The following BBOX1 variants were observed in gnomAD, a reference collection of about 807,000 sequenced individuals.
BBOX1 encodes the protein gamma-butyrobetaine dioxygenase.
A neutral mutation model predicts 41.6 loss-of-function variants in BBOX1; 35 were observed. The ratio of observed to expected loss-of-function variants is 0.84; its 90% CI spans 0.64 to 1.11. BBOX1 has a LOEUF of 1.11. Ranked by LOEUF, BBOX1 falls within the 50% of genes most tolerant of loss-of-function variation. The pLI, the probability that BBOX1 is intolerant of heterozygous loss-of-function variation, is 0.00. For synonymous variants in BBOX1, 163 were observed against 154.7 expected, an observed-to-expected ratio of 1.05 and a Z score of -0.40; for missense variants, 458 against 460.6, an observed-to-expected ratio of 0.99 and a Z score of 0.05.
At position 27,119,734 on chromosome 11, in the gene BBOX1, A is replaced by C; in HGVS notation, c.725A>C (p.Lys242Thr). The change falls in exon 7 of 9, where the codon AAG becomes ACG. Residue 242 changes from lysine to threonine, a missense_variant. Coordinates refer to ENST00000263182, the MANE Select transcript of BBOX1 (RefSeq NM_003986.3). ...VDGFNVCQKL[K>T]KNNPQAFQIL... is the part of the protein sequence containing the mutation. ...GGGTTTAATGTGTGCCAAAAACTAA[A>C]GAAAAATAATCCTCAGGCATTCCAG... 6.2e-7 allele frequency: 1 copy of C among 1,605,348 alleles called. No individual in the cohort carries two copies. Among genetic ancestry groups the C allele is most frequent in the East Asian group, 2.3e-5 (1 of 44,154 alleles).
intron 5 of BBOX1, among the ~76,000 whole-genome samples, chr11:27,115,135 C>T (rs1033668636): frequency 1.3e-5 from 2 of 151,846 alleles, no homozygotes; most frequent in African/African-American, 4.8e-5. Context: ...GTGAACTTCA[C>T]CTCAATAAAT....
chr11:27,070,704 T>A (rs1008813356), intron 4 of BBOX1, among the ~76,000 whole-genome samples: 2 of 96,552 alleles, frequency 2.1e-5, no homozygotes, highest in African/African-American at 7.3e-5. Flanking sequence ...GGTTTGTGAT[T>A]GATTTTTTTT....
rs1425521149 is a variant in BBOX1, at chr11:27,043,458, A to ATGTG, written c.-39+1980_-39+1981insTGTG. Among the ~76,000 whole-genome samples the ATGTG allele has an allele frequency of 1.8e-4, 28 of 152,120 alleles. 2 individuals carry two copies. The highest frequency in any genetic ancestry group is 4.2e-4 in the South Asian group (2 of 4,816). ...TGCAGAATGTGCAGGTTTGGGGTAC[A>ATGTG]CGTGCAGAATGTGCAGGTATACACA... is the stretch of plus-strand genomic sequence containing the variant. On this transcript the variant is annotated intron_variant, in intron 2 of 8. Transcript: ENST00000263182.
intron 4 of BBOX1, among the ~76,000 whole-genome samples, chr11:27,092,316 C>A (rs1858275956): frequency 6.6e-6 from 1 of 151,882 alleles, no homozygotes; most frequent in South Asian, 2.1e-4. Context: ...CTTCCTAGGG[C>A]AATTTTCTTA....
chr11:27,050,005 G>C (rs1214691220), intron 2 of BBOX1, among the ~76,000 whole-genome samples: 2 of 152,022 alleles, frequency 1.3e-5, no homozygotes, highest in Non-Finnish European at 2.9e-5. Flanking sequence ...GTTTAAGTCT[G>C]TAATCCATTT....
intron 2 of BBOX1, among the ~76,000 whole-genome samples, chr11:27,050,610 T>G (rs1198853388): frequency 6.6e-6 from 1 of 151,522 alleles, no homozygotes; most frequent in Non-Finnish European, 1.5e-5. Flanking sequence ...GTCCTGGAAA[T>G]TGAATTGTCT....
chr11:27,118,716 G>T (rs1340045129), intron 6 of BBOX1, among the ~76,000 whole-genome samples: 1 of 151,932 alleles, frequency 6.6e-6, no homozygotes, highest in Admixed American at 6.6e-5. Flanking sequence ...TCTATTTGAA[G>T]ATTGTATTAA....
At chr11:27,121,457 A>G (rs190278652) in intron 7 of BBOX1, among the ~76,000 whole-genome samples, 1 of 152,308 alleles carries the variant, frequency 6.6e-6, no homozygotes, top group Admixed American at 6.5e-5. Context: ...TGCTAGAAAG[A>G]GCAAGGATAG....
intron 5 of BBOX1, among the ~76,000 whole-genome samples, chr11:27,106,359 G>A (rs1858863469): frequency 6.6e-6 from 1 of 151,860 alleles, no homozygotes; most frequent in Non-Finnish European, 1.5e-5. Flanking sequence ...CATGTGCAGA[G>A]ACACAAATAG....
chr11:27,083,759 G>A (rs1457736801), intron 4 of BBOX1, among the ~76,000 whole-genome samples: 1 of 152,112 alleles, frequency 6.6e-6, no homozygotes, highest in East Asian at 1.9e-4. Context: ...CCCAACAAGA[G>A]AAGTGATCAT....
chr11:27,090,796 G>A (rs571133142), intron 4 of BBOX1, among the ~76,000 whole-genome samples: 75 of 151,872 alleles, frequency 4.9e-4, no homozygotes, highest in African/African-American at 1.3e-3. Context: ...CAGAGCAGCC[G>A]TTTATAGACC....
At chr11:27,049,256 G>C (rs1851593745) in intron 2 of BBOX1, among the ~76,000 whole-genome samples, 1 of 151,774 alleles carries the variant, frequency 6.6e-6, no homozygotes, top group South Asian at 2.1e-4. Context: ...TTGTCTTTTT[G>C]ACAATAGTCA....
intron 2 of BBOX1, among the ~76,000 whole-genome samples, chr11:27,049,002 G>GT (rs1215936196): frequency 6.7e-6 from 1 of 148,824 alleles, no homozygotes; most frequent in Non-Finnish European, 1.5e-5. Context: ...GCGGTGTTTG[G>GT]TTTTTTGTTC....
chr11:27,047,139 C>T (rs1345540120), intron 2 of BBOX1: 1 of 152,132 alleles, frequency 6.6e-6, no homozygotes, highest in Admixed American at 6.6e-5. Flanking sequence ...CAAGTCTTTC[C>T]AGTTCTTCCA....
chr11:27,088,434 C>T (rs1262965206), intron 4 of BBOX1, among the ~76,000 whole-genome samples: 1 of 152,024 alleles, frequency 6.6e-6, no homozygotes, highest in Non-Finnish European at 1.5e-5. Flanking sequence ...GTTCATTTCA[C>T]CAAAGGTGAA....
At chr11:27,107,342 G>A (rs1858907372) in intron 5 of BBOX1, among the ~76,000 whole-genome samples, 1 of 152,052 alleles carries the variant, frequency 6.6e-6, no homozygotes, top group East Asian at 1.9e-4. Context: ...TAGACTGCTA[G>A]CAAGACTAAT....
rs777689018 is a variant in BBOX1, at chr11:27,119,693, T to C, written c.684T>C (p.Asp228=). The C allele has an allele frequency of 2.5e-6, 4 of 1,568,804 alleles. No homozygotes were observed. The South Asian group carries it at 3.6e-5, about 14-fold the overall frequency. The change falls in exon 7 of 9, where the codon GAT becomes GAC. Residue 228 remains aspartate (D), a synonymous_variant. Coordinates refer to ENST00000263182, the MANE Select transcript of BBOX1 (RefSeq NM_003986.3). ...HCIKQTVTGG[D]SEIVDGFNVC... ...TAAAGCAAACAGTCACAGGGGGTGATTCAGAAATTGTAGATGGGTTTAATG... is the reference window on the plus strand; with the variant it reads ...TAAAGCAAACAGTCACAGGGGGTGACTCAGAAATTGTAGATGGGTTTAATG...
intron 7 of BBOX1, among the ~76,000 whole-genome samples, chr11:27,120,423 T>C (rs553150158): frequency 3.4e-4 from 51 of 152,078 alleles, no homozygotes; most frequent in African/African-American, 1.2e-3. Flanking sequence ...GTTAGAGAAT[T>C]CTGATTGTCC....
intron 7 of BBOX1, among the ~76,000 whole-genome samples, chr11:27,123,874 A>G (rs1645227741): frequency 6.6e-6 from 1 of 152,202 alleles, no homozygotes; most frequent in African/African-American, 2.4e-5. Context: ...ATTGTTATTA[A>G]TACATGCAAA....
Sources: allele counts gnomAD v4.1 joint callset (sites outside exome capture counted in the v4.1 genomes callset), GRCh38; gene constraint gnomAD v4.1.1; transcripts MANE v1.5; gene names NCBI Gene and HGNC (gene_info 2026-07-23, HGNC 2026-07-21).